The following NIBAN3 variants were observed in gnomAD, a reference collection of about 807,000 sequenced individuals.
NIBAN3 encodes niban apoptosis regulator 3, also known as protein Niban 3.
In NIBAN3, 66 loss-of-function variants were observed where a neutral mutation model predicts 76.4. That is an observed-to-expected ratio of 0.86 (90% CI 0.71 to 1.06). The LOEUF (loss-of-function observed/expected upper bound fraction) is 1.06. Ranked by LOEUF, NIBAN3 falls within the 50% of genes least tolerant of loss-of-function variation. The probability of loss-of-function intolerance (pLI) is 0.00; values close to 1 mark genes in which losing one functional copy is unlikely to be tolerated. For synonymous variants in NIBAN3, 360 were observed against 355.2 expected (o/e 1.01, Z -0.15); for missense variants, 808 against 810.7 (o/e 1.00, Z 0.04).
intron 13 of NIBAN3, among the ~76,000 whole-genome samples, chr19:17,547,211 G>A (rs879424519): frequency 3.3e-5 from 5 of 151,358 alleles, no homozygotes; most frequent in East Asian, 4.0e-4. Context: ...AAAATTAGCC[G>A]GGCATGATGG....
intron 3 of NIBAN3, among the ~76,000 whole-genome samples, chr19:17,533,002 G>C (rs1006762199): frequency 6.6e-6 from 1 of 152,264 alleles, no homozygotes; most frequent in East Asian, 1.9e-4. Context: ...GCCGGGCCTC[G>C]TGGCTCACGC....
At chr19:17,554,300 C>T (rs10412002), downstream of NIBAN3, among the ~76,000 whole-genome samples, 135,181 of 151,998 alleles carry the variant, frequency 0.89, 60,576 homozygotes, top group African/African-American at 0.97. Flanking sequence ...GGCAACATAG[C>T]GAGACTCCAT....
chr19:17,536,422 C>A (rs1182997020), intron 4 of NIBAN3, among the ~76,000 whole-genome samples: 1 of 152,070 alleles, frequency 6.6e-6, no homozygotes, highest in Non-Finnish European at 1.5e-5. Flanking sequence ...CTCCTGACCT[C>A]ACGTGATCCG....
At chr19:17,553,831 C>T, downstream of NIBAN3, 1 of 337,998 alleles carries the variant, frequency 3.0e-6, no homozygotes, top group Non-Finnish European at 5.4e-6. Flanking sequence ...ATGAAAAGAC[C>T]TTTCCTCATC....
rs756685544 is a variant in NIBAN3, at chr19:17,533,633, G to A, written c.359G>A (p.Gly120Glu). The change falls in exon 4 of 15, where the codon GGA (glycine) becomes GAA (glutamate). Residue 120 changes from glycine (G) to glutamate (E), a missense_variant. Transcript: ENST00000599164. ...GHCLGSTALT[G>E]YTLLTSQREY... ...TGCCTTGGCTCAACAGCCCTGACAG[G>A]ATACACGCTCCTGACTTCCCAGCGA... The A allele has an allele frequency of 8.7e-6, 14 of 1,614,128 alleles. No individual in the cohort carries two copies. Among genetic ancestry groups the A allele is most frequent in the Admixed American group, 3.3e-5 (2 of 60,006 alleles).
chr19:17,549,843 G>C (rs1170088041), intron 14 of NIBAN3: 1 of 536,136 alleles, frequency 1.9e-6, no homozygotes, highest in Non-Finnish European at 3.3e-6. Context: ...TTTTTTTTGA[G>C]ACAGAGTCTA....
In NIBAN3 at chr19:17,553,502, A is replaced by G. The variant is rs764439122; in HGVS notation, c.*1604A>G. The G allele has an allele frequency of 1.2e-6, 2 of 1,613,792 alleles. No individual in the cohort carries two copies. The highest frequency in any genetic ancestry group is 1.7e-6 in the Non-Finnish European group (2 of 1,180,014). ...GTTCAGCTTGCAGAGGGACTTTCAC[A>G]CTCCCTGGAGACCGTTTCCTCCCAT... On this transcript the variant is annotated 3_prime_UTR_variant, in exon 15 of 15. Transcript: ENST00000599164.
chr19:17,534,973 C>CAGTT lies in NIBAN3; in HGVS notation c.427+1275_427+1276insTAGT, dbSNP rs577258363. 3.1e-3 allele frequency among the ~76,000 whole-genome samples: 469 copies of CAGTT among 152,274 alleles called. 3 individuals carry two copies. Among genetic ancestry groups the CAGTT allele is most frequent in the African/African-American group, 0.011 (440 of 41,550 alleles). On this transcript the variant is annotated intron_variant, in intron 4 of 14. Transcript: ENST00000599164. ...GACATTGAGGCTGAGGATTGTCACA[C>CAGTT]AGTCAAGGGCAGAGCTAGAATTGCA...
chr19:17,547,839 G>T (rs1001201661), intron 13 of NIBAN3, among the ~76,000 whole-genome samples: 1 of 151,272 alleles, frequency 6.6e-6, no homozygotes, highest in African/African-American at 2.4e-5. Flanking sequence ...GCTAATTTTT[G>T]AATTTTTAGT....
intron 12 of NIBAN3, among the ~76,000 whole-genome samples, chr19:17,544,748 G>T (rs942751186): frequency 6.6e-6 from 1 of 152,164 alleles, no homozygotes; most frequent in Admixed American, 6.5e-5. Flanking sequence ...GGCACCAGGC[G>T]GGTGTCTGAC....
intron 4 of NIBAN3, among the ~76,000 whole-genome samples, chr19:17,534,387 G>A (rs367937612): frequency 1.5e-3 from 226 of 152,174 alleles, no homozygotes; most frequent in African/African-American, 5.2e-3. Context: ...AATGACATGC[G>A]CCTGTAATCC....
At chr19:17,527,144 C>A, upstream of NIBAN3, 1 of 1,437,664 alleles carries the variant, frequency 7.0e-7, no homozygotes. Context: ...GCAGCCTCTA[C>A]AGAAACCACT....
chr19:17,528,938 T>C (rs2075661139), intron 1 of NIBAN3, among the ~76,000 whole-genome samples: 1 of 151,868 alleles, frequency 6.6e-6, no homozygotes, highest in Non-Finnish European at 1.5e-5. Flanking sequence ...AGAGCAGAGG[T>C]GGATGACTGC....
chr19:17,549,700 A>G (rs1426451496), intron 14 of NIBAN3, 173 bp downstream of exon 14: 1 of 674,988 alleles, frequency 1.5e-6, no homozygotes, highest in Admixed American at 2.1e-5. Flanking sequence ...GCTCAGTGGG[A>G]AGTTGTGGAG....
At chr19:17,524,263 G>T (rs922212787), upstream of NIBAN3, among the ~76,000 whole-genome samples, 2 of 151,144 alleles carry the variant, frequency 1.3e-5, no homozygotes, top group Non-Finnish European at 2.9e-5. Flanking sequence ...TTTCTTCCTT[G>T]CCCGTCTCAT....
chr19:17,546,540 A>T (rs1029131810), intron 12 of NIBAN3, 146 bp from the exon 13 acceptor site: 10 of 1,250,192 alleles, frequency 8.0e-6, no homozygotes, highest in Non-Finnish European at 9.0e-6. Flanking sequence ...AAAAATATTT[A>T]AAAATAAAGA....
intron 12 of NIBAN3, chr19:17,546,151 G>T: frequency 5.6e-6 from 1 of 178,110 alleles, no homozygotes; most frequent in Non-Finnish European, 1.2e-5. Context: ...TGTATGGCCT[G>T]GTTTTTCCTA....
chr19:17,547,225 A>G (rs992669836), intron 13 of NIBAN3, among the ~76,000 whole-genome samples: 54 of 151,318 alleles, frequency 3.6e-4, no homozygotes, highest in African/African-American at 1.1e-3. Flanking sequence ...ATGATGGCAC[A>G]TGCCTGTAGT....
intron 9 of NIBAN3, among the ~76,000 whole-genome samples, chr19:17,541,713 A>G (rs1057411231): frequency 2.0e-5 from 3 of 149,052 alleles, no homozygotes; most frequent in African/African-American, 7.5e-5. Context: ...TTTTTGAGAC[A>G]GAGTCTCATT....
Sources: gnomAD v4.1 joint callset for allele counts (sites outside exome capture counted in the v4.1 genomes callset) on GRCh38, gnomAD v4.1.1 for gene constraint, MANE v1.5 for transcripts, NCBI Gene and HGNC (gene_info 2026-07-23, HGNC 2026-07-21) for gene names.